The following STON1 variants were observed in gnomAD, a reference collection of about 807,000 sequenced individuals.
STON1 encodes stonin 1, also known as stonin-1.
A neutral mutation model predicts 60.9 loss-of-function variants in STON1; 79 were observed. The observed-to-expected ratio is 1.30, with a 90% CI of 1.08 to 1.56. The LOEUF (loss-of-function observed/expected upper bound fraction) is 1.56, where lower values mean the gene tolerates loss of function less well. STON1 is among the 40% of genes most tolerant of loss of function. STON1 has a pLI of 0.00. For missense variants in STON1, 1,166 were observed against 858.9 expected (o/e 1.36, Z -4.47); for synonymous variants, 363 against 306.9 (o/e 1.18, Z -1.91).
Position 48,595,330 on chromosome 2 carries a change from C to G in STON1, c.*28C>G, listed in dbSNP as rs368101734. 6.9e-6 allele frequency: 11 copies of G among 1,584,768 alleles called. No individual in the cohort carries two copies. Among genetic ancestry groups the G allele is most frequent in the Non-Finnish European group, 9.5e-6 (11 of 1,154,264 alleles). ...GTAGCAAGAGTTTATGATGACAGCC[C>G]ACTTGTCAAATATGTAATTCACCGA... On this transcript the variant is annotated 3_prime_UTR_variant, in exon 4 of 4. Transcript: ENST00000404752.
At chr2:48,578,071 C>T (rs1459218426) in intron 1 of STON1, among the ~76,000 whole-genome samples, 1 of 152,160 alleles carries the variant, frequency 6.6e-6, no homozygotes, top group Admixed American at 6.5e-5. Flanking sequence ...ACCTCTGCCT[C>T]CCAGGCAATT....
At chr2:48,564,470 CTTCTTCTTCTTTCTTCTTCTT>C (rs1672775163) in intron 1 of STON1, among the ~76,000 whole-genome samples, 2 of 54,530 alleles carry the variant, frequency 3.7e-5, no homozygotes, top group African/African-American at 1.5e-4. Context: ...TCTTCTTCTT[CTTCTTCTTCTTTCTTCTTCTT>C]CTTCTTCTTC....
At chr2:48,575,321 T>A (rs1163758481) in intron 1 of STON1, among the ~76,000 whole-genome samples, 2 of 152,196 alleles carry the variant, frequency 1.3e-5, no homozygotes, top group Non-Finnish European at 2.9e-5. Flanking sequence ...ATGCAGTGAA[T>A]ATGAGAGTGC....
chr2:48,580,925 G>C lies in STON1; in HGVS notation c.292G>C (p.Gly98Arg). 6.3e-7 allele frequency: 1 copy of C among 1,599,602 alleles called. No individual in the cohort carries two copies. ...FPGFPGIPKA[G>R]THVLYPIPES... ...AGGTTTTCCTGGCATCCCCAAAGCA[G>C]GGACTCATGTGCTTTATCCTATTCC... The change falls in exon 2 of 4, where the codon GGG becomes CGG. Residue 98 changes from glycine to arginine, a missense_variant. By Grantham distance (125) the Gly-to-Arg change is moderately radical. Transcript: ENST00000404752.
intron 1 of STON1, among the ~76,000 whole-genome samples, chr2:48,546,245 C>T (rs1029292337): frequency 1.3e-5 from 2 of 152,208 alleles, no homozygotes; most frequent in African/African-American, 2.4e-5. Flanking sequence ...CAAGCTCTAT[C>T]GTGAGACAGA....
intron 1 of STON1, among the ~76,000 whole-genome samples, chr2:48,552,827 G>C (rs1433526545): frequency 1.3e-5 from 2 of 152,064 alleles, no homozygotes; most frequent in East Asian, 1.9e-4. Context: ...TGGTTAAAAG[G>C]GTAGATTTTA....
At chr2:48,561,136 T>A (rs1362538626) in intron 1 of STON1, among the ~76,000 whole-genome samples, 2 of 152,146 alleles carry the variant, frequency 1.3e-5, no homozygotes, top group African/African-American at 4.8e-5. Context: ...TAGCCCTTGG[T>A]TTTCTCTCTG....
chr2:48,551,498 C>T (rs935017822), intron 1 of STON1, among the ~76,000 whole-genome samples: 2 of 152,252 alleles, frequency 1.3e-5, no homozygotes, highest in African/African-American at 4.8e-5. Context: ...AGATACCTTC[C>T]TAACCTTCAG....
At position 48,591,701 on chromosome 2, in the gene STON1, A is replaced by C. The variant is rs1195402038; in HGVS notation, c.1979A>C (p.Asp660Ala). 6 of 1,614,004 alleles carry C rather than the reference A, an allele frequency of 3.7e-6. No individual in the cohort carries two copies. The African/African-American group carries it at 8.0e-5, about 22-fold the overall frequency. Residue 660 changes from aspartate to alanine, a missense_variant, in exon 3 of 4, where the codon GAC becomes GCC. Coordinates refer to ENST00000404752, the MANE Select transcript of STON1 (RefSeq NM_006873.4). ...TCATACAAATTAGAGCTTGGATCAG[A>C]CCAAGAAATTCCCTCTGATTGGTAT... ...CLSYKLELGS[D>A]QEIPSDWYPF...
Position 48,582,030 on chromosome 2 carries a change from G to C in STON1, c.1397G>C (p.Arg466Pro). ...TTGAATGACCTTGAGTTGCCGAAGCGAGATGAATCCTATTATGAGAAGGAC... is the reference window on the plus strand; with the variant it reads ...TTGAATGACCTTGAGTTGCCGAAGCCAGATGAATCCTATTATGAGAAGGAC... ...LTLNDLELPKRDESYYEKDSE... is the reference protein window; with the variant it reads ...LTLNDLELPKPDESYYEKDSE... The change falls in exon 2 of 4, where the codon CGA (arginine) becomes CCA (proline). Residue 466 changes from arginine to proline, a missense_variant. Transcript: ENST00000404752. The C allele has an allele frequency of 6.2e-7, 1 of 1,614,170 alleles. No homozygotes were observed. Among genetic ancestry groups the C allele is most frequent in the East Asian group, 2.2e-5 (1 of 44,886 alleles).
chr2:48,572,655 A>G (rs934109876), intron 1 of STON1, among the ~76,000 whole-genome samples: 12 of 152,240 alleles, frequency 7.9e-5, no homozygotes, highest in African/African-American at 2.9e-4. Context: ...AATTTTTGGC[A>G]TACATCAGAA....
rs1673827431 is a variant in STON1 at position 48,580,742 on chromosome 2, C to T, written c.109C>T (p.Pro37Ser). Residue 37 changes from proline to serine, a missense_variant, in exon 2 of 4, where the codon CCA (proline) becomes TCA (serine). Coordinates refer to ENST00000404752, the MANE Select transcript of STON1 (RefSeq NM_006873.4). Reference sequence around the variant, plus strand: ...TCTGGAGAATCAAGGTGTCTGTAGACCAAATGGACTGAAGCTGAACCTTCC... The same window carrying T: ...TCTGGAGAATCAAGGTGTCTGTAGATCAAATGGACTGAAGCTGAACCTTCC... ...FPLENQGVCR[P>S]NGLKLNLPGL... 1.3e-6 allele frequency: 2 copies of T among 1,542,490 alleles called. No homozygotes were observed.
At position 48,582,149 on chromosome 2, in the gene STON1, C is replaced by T. The variant is rs1475756274; in HGVS notation, c.1516C>T (p.Pro506Ser). ...FEQSRIIKFVPLDACRFELMR... is the reference protein window; with the variant it reads ...FEQSRIIKFVSLDACRFELMR... ...GCAATCAAGAATCATTAAGTTTGTA[C>T]CTCTGGATGCCTGCCGGTTTGAGCT... Residue 506 changes from proline to serine, a missense_variant, in exon 2 of 4, where the codon CCT becomes TCT. Transcript: ENST00000404752. The T allele has an allele frequency of 6.2e-7, 1 of 1,614,152 alleles. No individual in the cohort carries two copies. The highest frequency in any genetic ancestry group is 1.7e-5 in the Admixed American group (1 of 60,022).
At chr2:48,563,459 TCTTA>T (rs1328498277) in intron 1 of STON1, among the ~76,000 whole-genome samples, 3 of 152,210 alleles carry the variant, frequency 2.0e-5, no homozygotes, top group Non-Finnish European at 2.9e-5. Flanking sequence ...AATCTGTGGC[TCTTA>T]CTTGTCCTGA....
chr2:48,548,260 G>A (rs565884051), intron 1 of STON1, among the ~76,000 whole-genome samples: 18 of 152,284 alleles, frequency 1.2e-4, no homozygotes, highest in African/African-American at 4.3e-4. Context: ...ATAGCATTGA[G>A]CCTTGGCTGC....
At chr2:48,593,348 C>T (rs1674632449) in intron 3 of STON1, among the ~76,000 whole-genome samples, 1 of 152,106 alleles carries the variant, frequency 6.6e-6, no homozygotes, top group South Asian at 2.1e-4. Flanking sequence ...AACTCCTGAC[C>T]TTGTGATCTG....
intron 1 of STON1, among the ~76,000 whole-genome samples, chr2:48,559,064 T>C (rs1672503509): frequency 6.6e-6 from 1 of 152,192 alleles, no homozygotes; most frequent in Non-Finnish European, 1.5e-5. Context: ...ATACAAATAT[T>C]TCAAAATCTG....
intron 2 of STON1, among the ~76,000 whole-genome samples, chr2:48,589,094 A>G (rs1233579694): frequency 6.6e-6 from 1 of 152,106 alleles, no homozygotes; most frequent in Non-Finnish European, 1.5e-5. Context: ...GAGCAATTAA[A>G]TATATCTACC....
At chr2:48,542,150 T>C (rs1671681300) in intron 1 of STON1, among the ~76,000 whole-genome samples, 1 of 152,254 alleles carries the variant, frequency 6.6e-6, no homozygotes, top group African/African-American at 2.4e-5. Flanking sequence ...CAGTGAGCAA[T>C]TGATTCTTTA....
Sources: gnomAD v4.1 joint callset for allele counts (sites outside exome capture counted in the v4.1 genomes callset) on GRCh38, gnomAD v4.1.1 for gene constraint, MANE v1.5 for transcripts, NCBI Gene and HGNC (gene_info 2026-07-23, HGNC 2026-07-21) for gene names.